Variants in DAB1 observed in about 807,000 individuals in gnomAD.
DAB1 encodes the protein DAB adaptor protein 1, also known as disabled homolog 1.
In DAB1, 15 loss-of-function variants were observed where a neutral mutation model predicts 64.6. The observed-to-expected ratio is 0.23, with a 90% CI of 0.16 to 0.36. The LOEUF (loss-of-function observed/expected upper bound fraction) is 0.36, where lower values mean the gene tolerates loss of function less well. Among genes scored for constraint, DAB1 ranks in the 10% least tolerant of loss-of-function variants. The pLI, the probability that DAB1 is intolerant of heterozygous loss-of-function variation, is 1.00. For synonymous variants in DAB1, 235 were observed against 251.9 expected, an observed-to-expected ratio of 0.93 and a Z score of 0.64; for missense variants, 596 against 706.7, an observed-to-expected ratio of 0.84 and a Z score of 1.78.
At chr1:57,767,948 G>A (rs538245974) in intron 6 of DAB1, among the ~76,000 whole-genome samples, 7 of 151,898 alleles carry the variant, frequency 4.6e-5, no homozygotes, top group African/African-American at 9.7e-5. Flanking sequence ...AGGCTGAGGC[G>A]GGTGGATCAC....
intron 7 of DAB1, among the ~76,000 whole-genome samples, chr1:57,547,214 T>G (rs1380927870): frequency 6.6e-6 from 1 of 152,156 alleles, no homozygotes; most frequent in Non-Finnish European, 1.5e-5. Flanking sequence ...CTGAAAGGCA[T>G]AGACAACAGT....
intron 4 of DAB1, among the ~76,000 whole-genome samples, chr1:58,323,976 A>G (rs185889084): frequency 6.6e-6 from 1 of 151,282 alleles, no homozygotes; most frequent in East Asian, 2.1e-4. Context: ...GTAACCATCA[A>G]TTAAAAAAAA....
At chr1:57,214,925 AAAAAAG>A (rs1666307893) in intron 2 of DAB1, among the ~76,000 whole-genome samples, 1 of 151,118 alleles carries the variant, frequency 6.6e-6, no homozygotes, top group Non-Finnish European at 1.5e-5. Context: ...AAAAAAAAAA[AAAAAAG>A]AAAGAAAAAA....
At chr1:58,027,261 T>C (rs1042935213) in intron 5 of DAB1, among the ~76,000 whole-genome samples, 31 of 152,212 alleles carry the variant, frequency 2.0e-4, no homozygotes, top group African/African-American at 7.0e-4. Flanking sequence ...AGAGACAGGG[T>C]CTCACTTTAT....
chr1:58,217,525 T>C (rs1002356967), intron 4 of DAB1, among the ~76,000 whole-genome samples: 3 of 152,226 alleles, frequency 2.0e-5, no homozygotes, highest in Non-Finnish European at 2.9e-5. Context: ...ATTCAGTTAT[T>C]TACACACAGT....
At position 57,614,989 on chromosome 1, in the gene DAB1, G is replaced by T. The variant is rs1008521147; in HGVS notation, n.625+34603C>A. Among the ~76,000 whole-genome samples the T allele has an allele frequency of 8.0e-5, 12 of 149,846 alleles. 1 individual carries two copies. The East Asian group carries it at 2.4e-3, about 30-fold the overall frequency. On this transcript the variant is annotated intron_variant and non_coding_transcript_variant, in intron 7 of 20. Transcript: ENST00000485760. ...GGGTTCACGCCATTCTCCTGCCTCA[G>T]CTCCCGAGTAGTTGGGACTACAGGC...
At position 57,489,938 on chromosome 1, in the gene DAB1, G is replaced by A. The variant is rs142908903; in HGVS notation, n.625+159654C>T. On this transcript the variant is annotated intron_variant and non_coding_transcript_variant, in intron 7 of 20. Coordinates refer to the DAB1 transcript ENST00000485760. The stretch of plus-strand genomic sequence containing the variant: ...AATTGCCAATGTGATCCATTTAGGA[G>A]GGGAGACCTTTGGGAGGTTATTAAG... Among the ~76,000 whole-genome samples the A allele has an allele frequency of 8.1e-4, 123 of 152,276 alleles. 2 individuals carry two copies. The East Asian group carries it at 0.02, about 24-fold the overall frequency.
intron 7 of DAB1, among the ~76,000 whole-genome samples, chr1:57,598,083 C>T (rs1043217703): frequency 2.6e-5 from 4 of 152,118 alleles, no homozygotes; most frequent in Admixed American, 1.3e-4. Context: ...CCCAGGTTTA[C>T]GCCATTCCCC....
At chr1:57,191,838 C>G (rs531677771) in intron 2 of DAB1, among the ~76,000 whole-genome samples, 1 of 152,216 alleles carries the variant, frequency 6.6e-6, no homozygotes, top group East Asian at 1.9e-4. Context: ...GTCCCAAAAT[C>G]CTAATCACAG....
At chr1:57,344,859 C>T (rs1216407557) in intron 1 of DAB1, among the ~76,000 whole-genome samples, 1 of 152,110 alleles carries the variant, frequency 6.6e-6, no homozygotes, top group Non-Finnish European at 1.5e-5. Flanking sequence ...TGGGGTAACA[C>T]TATAGTCAGC....
chr1:57,241,869 C>T (rs556290377), intron 2 of DAB1, among the ~76,000 whole-genome samples: 76 of 152,192 alleles, frequency 5.0e-4, no homozygotes, highest in Non-Finnish European at 9.6e-4. Flanking sequence ...CACATATCAA[C>T]ACCCTTGCAT....
At chr1:58,285,136 A>G (rs1459876008) in intron 4 of DAB1, among the ~76,000 whole-genome samples, 1 of 152,218 alleles carries the variant, frequency 6.6e-6, no homozygotes, top group Non-Finnish European at 1.5e-5. Context: ...AATAAGCTAG[A>G]TATTGAAGGA....
intron 9 of DAB1, among the ~76,000 whole-genome samples, chr1:57,055,431 C>T (rs533976559): frequency 1.3e-5 from 2 of 152,262 alleles, no homozygotes; most frequent in Admixed American, 6.5e-5. Context: ...CACAGCTGAG[C>T]ATCCTGAATC....
intron 4 of DAB1, among the ~76,000 whole-genome samples, chr1:57,129,007 T>C (rs1033998782): frequency 3.3e-5 from 5 of 152,212 alleles, no homozygotes; most frequent in African/African-American, 1.2e-4. Context: ...GTTTCTCATC[T>C]GTCTAATGGG....
chr1:58,452,704 T>C (rs2100296860), intron 3 of DAB1, among the ~76,000 whole-genome samples: 1 of 147,748 alleles, frequency 6.8e-6, no homozygotes, highest in Admixed American at 6.7e-5. Context: ...TGGGTGCCTG[T>C]ACTACTCCCA....
intron 1 of DAB1, among the ~76,000 whole-genome samples, chr1:57,376,928 C>G (rs1680942471): frequency 6.6e-6 from 1 of 152,178 alleles, no homozygotes; most frequent in Non-Finnish European, 1.5e-5. Context: ...GTTAAGTCCA[C>G]TTGAAAGATA....
In DAB1 at chr1:58,489,723, G is replaced by A. The variant is rs534627407; in HGVS notation, n.257+16337C>T. ...GGGCAGACTGACACCTCACAGGGCC[G>A]GGTACTCCTCTGAGACAAAACTTCC... is the stretch of plus-strand genomic sequence containing the variant. On this transcript the variant is annotated intron_variant and non_coding_transcript_variant, in intron 3 of 20. Coordinates refer to the DAB1 transcript ENST00000485760. 3.8e-3 allele frequency among the ~76,000 whole-genome samples: 585 copies of A among 152,246 alleles called. 2 individuals carry two copies. The highest frequency in any genetic ancestry group is 0.013 in the African/African-American group (559 of 41,532).
At chr1:57,724,418 C>T (rs993363877) in intron 6 of DAB1, among the ~76,000 whole-genome samples, 3 of 151,966 alleles carry the variant, frequency 2.0e-5, no homozygotes, top group Admixed American at 1.3e-4. Flanking sequence ...GAGATCCTGC[C>T]CTTAGTCACT....
intron 4 of DAB1, among the ~76,000 whole-genome samples, chr1:57,116,542 T>C (rs1656151267): frequency 6.6e-6 from 1 of 150,966 alleles, no homozygotes; most frequent in African/African-American, 2.4e-5. Context: ...CCAAACTGTA[T>C]CTATATCTAG....
Sources: allele counts gnomAD v4.1 joint callset (sites outside exome capture counted in the v4.1 genomes callset), GRCh38; gene constraint gnomAD v4.1.1; transcripts MANE v1.5; gene names NCBI Gene and HGNC (gene_info 2026-07-23, HGNC 2026-07-21).